The following ARHGAP28 variants were observed in gnomAD, a reference collection of about 807,000 sequenced individuals.
ARHGAP28 encodes the protein rho GTPase-activating protein 28.
In ARHGAP28, 56 loss-of-function variants were observed where a neutral mutation model predicts 90.7. That is an observed-to-expected ratio of 0.62 (90% confidence interval 0.50 to 0.77). ARHGAP28 has a LOEUF of 0.77. ARHGAP28 is among the 30% of genes least tolerant of loss of function. The pLI is 0.00. For missense variants in ARHGAP28, 869 were observed against 900.9 expected, an observed-to-expected ratio of 0.96 and a Z score of 0.45; for synonymous variants, 308 against 323.3, an observed-to-expected ratio of 0.95 and a Z score of 0.51.
At chr18:6,777,345 G>T (rs2056292191) in intron 1 of ARHGAP28, among the ~76,000 whole-genome samples, 2 of 152,116 alleles carry the variant, frequency 1.3e-5, no homozygotes, top group Non-Finnish European at 2.9e-5. Context: ...GGTGAGCTTT[G>T]GACAAGATGG....
intron 3 of ARHGAP28, among the ~76,000 whole-genome samples, chr18:6,846,111 C>T (rs548379512): frequency 1.3e-5 from 2 of 152,298 alleles, no homozygotes; most frequent in South Asian, 2.1e-4. Flanking sequence ...GGTTTGCTGA[C>T]ACCTGCCTCC....
chr18:6,817,157 A>T (rs9966059), intron 1 of ARHGAP28, among the ~76,000 whole-genome samples: 29,025 of 151,368 alleles, frequency 0.19, 3,184 homozygotes, highest in African/African-American at 0.29. Context: ...CTACTAAAAA[A>T]ACAAAAATTA....
At chr18:6,822,859 T>G (rs2143759056) in intron 1 of ARHGAP28, among the ~76,000 whole-genome samples, 1 of 152,328 alleles carries the variant, frequency 6.6e-6, no homozygotes, top group East Asian at 1.9e-4. Context: ...TGGAAATTTT[T>G]TGGTGTTATT....
Position 6,890,297 on chromosome 18 carries a change from A to G in ARHGAP28, c.1735-133A>G, listed in dbSNP as rs756544008. On this transcript the variant is annotated intron_variant, in intron 13 of 17. Transcript: ENST00000383472. ...ATCCACATAATTTTTTCTAAACTTT[A>G]TAAGGACAATGCCACCATTCCTGGC... is the stretch of plus-strand genomic sequence containing the variant. The G allele has an allele frequency of 1.4e-4, 105 of 762,852 alleles. No individual in the cohort carries two copies. In the East Asian group the frequency reaches 2.4e-3, roughly 17 times the overall value. 47.3% of individuals were successfully genotyped at this position (762,852 alleles called of 1,614,324 possible). A position where few individuals can be genotyped will look rare whatever the true frequency, so the allele number is the denominator to read the frequency against.
intron 4 of ARHGAP28, among the ~76,000 whole-genome samples, chr18:6,856,440 T>C (rs74254605): frequency 7.2e-5 from 11 of 152,322 alleles, no homozygotes; most frequent in South Asian, 4.1e-4. Flanking sequence ...TTTTCTTAAA[T>C]TGAAGTATAA....
chr18:6,846,160 C>T (rs2056864723), intron 3 of ARHGAP28, among the ~76,000 whole-genome samples: 1 of 152,206 alleles, frequency 6.6e-6, no homozygotes, highest in Non-Finnish European at 1.5e-5. Flanking sequence ...CAGTGAGAAA[C>T]TTTCCTCTGT....
chr18:6,734,499 C>T (rs2055909504), intron 1 of ARHGAP28, among the ~76,000 whole-genome samples: 1 of 152,118 alleles, frequency 6.6e-6, no homozygotes, highest in Non-Finnish European at 1.5e-5. Flanking sequence ...TCTAATTCTA[C>T]AGCAATGTTT....
At chr18:6,839,441 C>T (rs1021615081) in intron 3 of ARHGAP28, among the ~76,000 whole-genome samples, 1 of 152,026 alleles carries the variant, frequency 6.6e-6, no homozygotes, top group Non-Finnish European at 1.5e-5. Context: ...CTATAGGCGC[C>T]AGCCACCACG....
In ARHGAP28 at chr18:6,783,386, C is replaced by A. The variant is rs555944350; in HGVS notation, c.123-41376C>A. Reference sequence around the variant, plus strand: ...GCGCGATCTCAGCTCACTGCAACCTCTGCCTCCCAGGTTCAAGCGATTTTC... The same window carrying A: ...GCGCGATCTCAGCTCACTGCAACCTATGCCTCCCAGGTTCAAGCGATTTTC... On this transcript the variant is annotated intron_variant, in intron 1 of 17. Coordinates refer to ENST00000383472, the MANE Select transcript of ARHGAP28 (RefSeq NM_001366230.1). 3.3e-5 allele frequency among the ~76,000 whole-genome samples: 5 copies of A among 151,894 alleles called. No homozygotes were observed. The South Asian group carries it at 8.3e-4, about 25-fold the overall frequency.
At chr18:6,876,901 T>A (rs986930573) in intron 10 of ARHGAP28, among the ~76,000 whole-genome samples, 1 of 152,152 alleles carries the variant, frequency 6.6e-6, no homozygotes. Context: ...GAAAAGCTTT[T>A]CTCATAAAAA....
chr18:6,800,668 A>G (rs2056475435), intron 1 of ARHGAP28, among the ~76,000 whole-genome samples: 1 of 152,132 alleles, frequency 6.6e-6, no homozygotes, highest in African/African-American at 2.4e-5. Flanking sequence ...ATAAGAACAC[A>G]TGGACAGAGG....
At chr18:6,757,922 G>A (rs1478449457) in intron 1 of ARHGAP28, among the ~76,000 whole-genome samples, 2 of 152,160 alleles carry the variant, frequency 1.3e-5, no homozygotes, top group Non-Finnish European at 2.9e-5. Flanking sequence ...TCTGCCCTTA[G>A]ATTATCTGCC....
rs974483044 is a variant in ARHGAP28, at chr18:6,894,908, C to T, written c.1905+17C>T. The T allele has an allele frequency of 1.2e-6, 2 of 1,612,240 alleles. No individual in the cohort carries two copies. Among genetic ancestry groups the T allele is most frequent in the Admixed American group, 1.7e-5 (1 of 59,992 alleles). Reference sequence around the variant, plus strand: ...AGACGAATGGTAAGAAAAATAATTTCTTTTCCCTTCCATTAACTCCCTATA... The same window carrying T: ...AGACGAATGGTAAGAAAAATAATTTTTTTTCCCTTCCATTAACTCCCTATA... On this transcript the variant is annotated intron_variant, in intron 15 of 17. Transcript: ENST00000383472.
intron 1 of ARHGAP28, among the ~76,000 whole-genome samples, chr18:6,811,356 A>G (rs1169988532): frequency 6.6e-6 from 1 of 152,232 alleles, no homozygotes; most frequent in Admixed American, 6.5e-5. Context: ...CTGAAGAAGG[A>G]CAAGAATCTT....
At chr18:6,900,954 G>A (rs1462734422) in intron 16 of ARHGAP28, among the ~76,000 whole-genome samples, 2 of 152,080 alleles carry the variant, frequency 1.3e-5, no homozygotes, top group Non-Finnish European at 2.9e-5. Flanking sequence ...ATTTCTCTTC[G>A]GAAGCCATGA....
rs758149113 is a variant in ARHGAP28, at chr18:6,908,938, ATTATT to A, written c.2031-19_2031-15del. 1 of 1,401,874 alleles carries A rather than the reference ATTATT, an allele frequency of 7.1e-7. No individual in the cohort carries two copies. 86.8% of individuals were successfully genotyped at this position (1,401,874 alleles called of 1,614,324 possible). A position where few individuals can be genotyped will look rare whatever the true frequency, so the allele number is the denominator to read the frequency against. ...GATCAGGAAAAAGTACTAAAATTAT[ATTATT>A]TTCTCATTTTTTTCAGTCATGGTTC... On this transcript the variant is annotated splice_polypyrimidine_tract_variant and intron_variant, in intron 16 of 17. Transcript: ENST00000383472.
At chr18:6,895,167 G>A (rs1383539762) in intron 15 of ARHGAP28, among the ~76,000 whole-genome samples, 1 of 152,104 alleles carries the variant, frequency 6.6e-6, no homozygotes, top group East Asian at 1.9e-4. Context: ...GCAACGTATT[G>A]TATACGGAGA....
At chr18:6,787,048 C>T (rs1434367829) in intron 1 of ARHGAP28, among the ~76,000 whole-genome samples, 2 of 151,624 alleles carry the variant, frequency 1.3e-5, no homozygotes, top group Non-Finnish European at 2.9e-5. Flanking sequence ...GGTGAAACCC[C>T]GTCTCTACTA....
intron 11 of ARHGAP28, 50 bp from the exon 12 acceptor site, chr18:6,887,107 G>A (rs761155628): frequency 6.7e-7 from 1 of 1,503,588 alleles, no homozygotes. Context: ...ATGCTGTCAG[G>A]ATGCATCAGG....
Sources: gnomAD v4.1 joint callset for allele counts (sites outside exome capture counted in the v4.1 genomes callset) on GRCh38, gnomAD v4.1.1 for gene constraint, MANE v1.5 for transcripts, NCBI Gene and HGNC (gene_info 2026-07-23, HGNC 2026-07-21) for gene names.